The following MYO15A variants were observed in gnomAD, a reference collection of about 807,000 sequenced individuals.
MYO15A encodes the protein myosin XVA, also known as unconventional myosin-XV.
In MYO15A, 308 loss-of-function variants were observed where a neutral mutation model predicts 394.6. The observed-to-expected ratio is 0.78, with a 90% CI of 0.71 to 0.86. The LOEUF is 0.86. MYO15A is among the 40% of genes least tolerant of loss of function. The pLI is 0.00. For missense variants in MYO15A, 4,606 were observed against 4,799.1 expected (o/e 0.96, Z 1.19); for synonymous variants, 1,957 against 2,003.8 (o/e 0.98, Z 0.62).
At chr17:18,155,055 T>C (rs2046651409) in intron 45 of MYO15A, 55 bp from the exon 46 acceptor site, 1 of 1,524,524 alleles carries the variant, frequency 6.6e-7, no homozygotes, top group Non-Finnish European at 9.0e-7. Context: ...ATCCCCGAGA[T>C]GGGGGTTGCC....
At chr17:18,159,167 T>A in intron 53 of MYO15A, 108 bp from the exon 54 acceptor site, 1 of 1,440,742 alleles carries the variant, frequency 6.9e-7, no homozygotes, top group Non-Finnish European at 9.7e-7. Context: ...TGGCTCCCCT[T>A]TTGTGACGTG....
rs537016494 is a variant in MYO15A, at chr17:18,120,741, A to C, written c.1941A>C (p.Pro647=). The C allele has an allele frequency of 8.3e-4, 1,216 of 1,464,816 alleles. 10 individuals are homozygous for C. In the African/African-American group the frequency reaches 0.014, roughly 17 times the overall value. 90.7% of individuals were successfully genotyped at this position (1,464,816 alleles called of 1,614,324 possible). ...SSNDARRPPA[P]QPAPRTLSHW... ...ACGACGCGCGCCGCCCGCCCGCGCC[A>C]CAGCCCGCGCCCAGGACCCTCTCCC... Residue 647 remains proline (P), a synonymous_variant, in exon 2 of 66, where the codon CCA becomes CCC. Transcript: ENST00000647165.
Position 18,119,884 on chromosome 17 carries a change from A to G in MYO15A, c.1084A>G (p.Thr362Ala). The change falls in exon 2 of 66, where the codon ACT becomes GCT. Residue 362 changes from threonine to alanine, a missense_variant. Thr to Ala is a moderately conservative substitution (Grantham distance 58). Transcript: ENST00000647165. ...PYPPYDLPYH[T>A]PYDVPYFDPY... is the part of the protein sequence containing the mutation. ...CCCACCCTATGACCTCCCATACCAC[A>G]CTCCCTACGATGTACCCTACTTTGA... 1 of 1,612,064 alleles carries G rather than the reference A, an allele frequency of 6.2e-7. No homozygotes were observed. Among genetic ancestry groups the G allele is most frequent in the Non-Finnish European group, 8.5e-7 (1 of 1,179,732 alleles).
rs138586456 is a variant in MYO15A at position 18,162,490 on chromosome 17, G to T, written c.9518-95G>T. On this transcript the variant is annotated intron_variant, in intron 57 of 65. Transcript: ENST00000647165. ...AAATGCCTTCCCCACAGCTTGTGGA[G>T]AGAATGCAGTGGGCTCATGGTTGGT... 3.4e-5 allele frequency: 37 copies of T among 1,092,028 alleles called. 1 individual carries two copies. In the East Asian group the frequency reaches 9.2e-4, roughly 27 times the overall value. 67.6% of individuals were successfully genotyped at this position (1,092,028 alleles called of 1,614,324 possible).
chr17:18,120,820 C>T lies in MYO15A; in HGVS notation c.2020C>T (p.Pro674Ser), dbSNP rs557225435. Residue 674 changes from proline (P) to serine (S), a missense_variant, in exon 2 of 66, where the codon CCC becomes TCC. By Grantham distance (74) the Pro-to-Ser change is moderately conservative. Coordinates refer to ENST00000647165, the MANE Select transcript of MYO15A (RefSeq NM_016239.4). ...PVPPRPPSSGPPPAPPLSPAL... is the reference protein window; with the variant it reads ...PVPPRPPSSGSPPAPPLSPAL... Reference sequence around the variant, plus strand: ...GCCCCCGCGGCCCCCAAGCTCCGGGCCCCCGCCCGCGCCGCCGCTCTCCCC... The same window carrying T: ...GCCCCCGCGGCCCCCAAGCTCCGGGTCCCCGCCCGCGCCGCCGCTCTCCCC... 2,302 of 1,192,964 alleles carry T rather than the reference C, an allele frequency of 1.9e-3. 14 individuals are homozygous for T. The highest frequency in any genetic ancestry group is 1.9e-3 in the Non-Finnish European group (1,782 of 963,154). The allele number at this position is 1,192,964 out of a possible 1,614,324, so 73.9% of individuals were successfully genotyped here.
At chr17:18,130,973 T>C in intron 8 of MYO15A, among the ~76,000 whole-genome samples, 163 bp downstream of exon 8, 1 of 148,362 alleles carries the variant, frequency 6.7e-6, no homozygotes, top group Non-Finnish European at 1.5e-5. Context: ...CTGGGGCTTG[T>C]GGTCAGGGGC....
At chr17:18,158,173 C>G (rs2046714271) in intron 51 of MYO15A, 2 of 594,436 alleles carry the variant, frequency 3.4e-6, no homozygotes, top group Non-Finnish European at 5.9e-6. Context: ...TCAGACCAGC[C>G]GGGGCCCGCC....
intron 1 of MYO15A, among the ~76,000 whole-genome samples, chr17:18,116,320 T>C (rs1428448473): frequency 2.0e-5 from 3 of 152,196 alleles, no homozygotes; most frequent in African/African-American, 7.2e-5. Flanking sequence ...CTGCCCAGTG[T>C]CCTAAGCCAC....
intron 2 of MYO15A, chr17:18,122,615 C>G: frequency 1.4e-6 from 1 of 732,734 alleles, no homozygotes; most frequent in South Asian, 2.1e-5. Flanking sequence ...ACAGGCAGGC[C>G]CAGGACAGAG....
rs750674185 is a variant in MYO15A at position 18,124,583 on chromosome 17, G to T, written c.3692+18G>T. ...CAGCTGGAGTGAGTGGGCAGGGCCG[G>T]CGGGGTCAGCAAGGGGTCACCATGG... On this transcript the variant is annotated intron_variant, in intron 3 of 65. Coordinates refer to ENST00000647165, the MANE Select transcript of MYO15A (RefSeq NM_016239.4). The T allele has an allele frequency of 6.2e-7, 1 of 1,611,716 alleles. No homozygotes were observed. Among genetic ancestry groups the T allele is most frequent in the South Asian group, 1.1e-5 (1 of 90,922 alleles).
Position 18,158,930 on chromosome 17 carries a change from G to T in MYO15A, c.9089G>T (p.Gly3030Val), listed in dbSNP as rs1671903. 2.5e-6 allele frequency: 4 copies of T among 1,614,170 alleles called. No homozygotes were observed. ...GCACCCACCTCCCACTGCAGGGATGGCCTCAGGCTGAAATCCAAGGAGCCT... is the reference window on the plus strand; with the variant it reads ...GCACCCACCTCCCACTGCAGGGATGTCCTCAGGCTGAAATCCAAGGAGCCT... The part of the protein sequence containing the change: ...FRDPQRRPQD[G>V]LRLKSKEPRE... The change falls in exon 53 of 66, where the codon GGC (glycine) becomes GTC (valine). Residue 3030 changes from glycine (G) to valine (V), a missense_variant. Gly to Val is a moderately radical substitution (Grantham distance 109). This residue lies in a region of MYO15A where 2,776 missense variants were observed against 3,109.3 expected (regional missense o/e 0.89). Coordinates refer to ENST00000647165, the MANE Select transcript of MYO15A (RefSeq NM_016239.4).
In MYO15A at chr17:18,118,920, C is replaced by T; in HGVS notation, c.120C>T (p.Phe40=). ...LKGTSRLFMG[F]RDRTPKISKK... is the part of the protein sequence containing the mutation. ...GGACGTCGCGGCTGTTCATGGGCTT[C>T]CGCGACCGTACACCCAAGATCTCCA... The change falls in exon 2 of 66, where the codon TTC becomes TTT. Residue 40 remains phenylalanine (F), a synonymous_variant. Transcript: ENST00000647165. 1.2e-6 allele frequency: 2 copies of T among 1,613,796 alleles called. No homozygotes were observed. Among genetic ancestry groups the T allele is most frequent in the South Asian group, 2.2e-5 (2 of 91,086 alleles).
Position 18,153,798 on chromosome 17 carries a change from C to A in MYO15A, c.7990C>A (p.Pro2664Thr), listed in dbSNP as rs577657134. The change falls in exon 43 of 66, where the codon CCC (proline) becomes ACC (threonine). Residue 2664 changes from proline (P) to threonine (T), a missense_variant. Pro to Thr is a conservative substitution (Grantham distance 38). Around this residue, in one of 2 missense-constraint regions of MYO15A, gnomAD observed 2,776 missense variants for 3,109.3 expected, o/e 0.89. Transcript: ENST00000647165. This position sits in a 1 kb window ranked among gnomAD's most constrained non-coding sequence, Gnocchi z 4.1. ...AGCTCTGCCCTCGCGATCGCTGGAG[C>A]CCCCTGAGGAACTCACGCAGACGCG... is the stretch of plus-strand genomic sequence containing the variant. ...TSALPSRSLE[P>T]PEELTQTRLH... The A allele has an allele frequency of 1.1e-4, 170 of 1,613,702 alleles. 1 individual carries two copies. In the East Asian group the frequency reaches 3.7e-3, roughly 36 times the overall value.
chr17:18,126,712 TACGGA>T lies in MYO15A; in HGVS notation c.3867-78_3867-74del, dbSNP rs781342715. On this transcript the variant is annotated intron_variant, in intron 5 of 65. Transcript: ENST00000647165. The stretch of plus-strand genomic sequence containing the variant: ...GGGCAGGATTGGCTGTTTGGCTGGA[TACGGA>T]TGCTCCCTGCCCAATCCCTGGGAGG... 8.4e-3 allele frequency: 12,661 copies of T among 1,504,970 alleles called. 83 individuals are homozygous for T. Among genetic ancestry groups the T allele is most frequent in the Non-Finnish European group, 0.011 (11,679 of 1,082,092 alleles). The allele number at this position is 1,504,970 out of a possible 1,614,324, so 93.2% of individuals were successfully genotyped here. A position where few individuals can be genotyped will look rare whatever the true frequency, so the allele number is the denominator to read the frequency against.
In MYO15A at chr17:18,157,843, C is replaced by G. The variant is rs1035374130; in HGVS notation, c.8910C>G (p.Ala2970=). 3.0e-6 allele frequency: 4 copies of G among 1,345,694 alleles called. No homozygotes were observed. The highest frequency in any genetic ancestry group is 2.9e-6 in the Non-Finnish European group (3 of 1,021,958). 83.4% of individuals were successfully genotyped at this position (1,345,694 alleles called of 1,614,324 possible). A position where few individuals can be genotyped will look rare whatever the true frequency, so the allele number is the denominator to read the frequency against. ...PTEPGRGRAA[A]VAAAVASAAA... is the part of the protein sequence containing the mutation. ...AGCCAGGCCGCGGCCGAGCAGCCGC[C>G]GTGGCCGCTGCTGTGGCCTCTGCAG... is the stretch of plus-strand genomic sequence containing the variant. The change falls in exon 51 of 66, where the codon GCC becomes GCG. Residue 2970 remains alanine, a synonymous_variant. Transcript: ENST00000647165.
In MYO15A at chr17:18,140,833, G is replaced by A. The variant is rs1184475792; in HGVS notation, c.5406+1G>A. On this transcript the variant is annotated splice_donor_variant, in intron 21 of 65. Transcript: ENST00000647165. LOFTEE classifies it high-confidence loss of function. ...TTGCCTGAAGCCCAACCACAAGAAG[G>A]TGAGTGAGAGCTGAGGCCTCTGAGA... 6.2e-7 allele frequency: 1 copy of A among 1,613,960 alleles called. No homozygotes were observed. Among genetic ancestry groups the A allele is most frequent in the Non-Finnish European group, 8.5e-7 (1 of 1,180,048 alleles).
intron 53 of MYO15A, 71 bp downstream of exon 53, chr17:18,159,068 G>A (rs2046734689): frequency 6.6e-7 from 1 of 1,517,152 alleles, no homozygotes; most frequent in Non-Finnish European, 9.0e-7. Context: ...CAGGCCCCTG[G>A]GGCCAACAAA....
chr17:18,172,345 A>G (rs1255311678), intron 64 of MYO15A, 55 bp downstream of exon 64: 3 of 1,612,728 alleles, frequency 1.9e-6, no homozygotes, highest in African/African-American at 1.3e-5. Flanking sequence ...CTGGTCCCCA[A>G]CCCCCTCCAA....
intron 1 of MYO15A, among the ~76,000 whole-genome samples, chr17:18,113,950 C>G (rs1044301009): frequency 1.3e-5 from 2 of 151,952 alleles, no homozygotes; most frequent in African/African-American, 4.8e-5. Context: ...ACACAGAGAT[C>G]GTCCACATTC....
Sources: gnomAD v4.1 joint callset for allele counts (sites outside exome capture counted in the v4.1 genomes callset) on GRCh38, gnomAD v4.1.1 for gene constraint, gnomAD v4.1.1 regional missense constraint, Gnocchi (gnomAD v3.1) non-coding constraint, MANE v1.5 for transcripts, NCBI Gene and HGNC (gene_info 2026-07-23, HGNC 2026-07-21) for gene names.